Variants in TMTC2 observed in about 807,000 individuals in gnomAD.
TMTC2 encodes protein O-mannosyl-transferase TMTC2.
Under a neutral mutation model 82.4 loss-of-function variants are expected in TMTC2, and 43 were observed. The observed-to-expected ratio is 0.52, with a 90% confidence interval of 0.41 to 0.67. TMTC2 has a LOEUF of 0.67. TMTC2 is among the 30% of genes least tolerant of loss of function. TMTC2 has a pLI of 0.00. For synonymous variants in TMTC2, 408 were observed against 381.9 expected, an observed-to-expected ratio of 1.07 and a Z score of -0.80; for missense variants, 919 against 1,012.4, an observed-to-expected ratio of 0.91 and a Z score of 1.25.
intron 1 of TMTC2, among the ~76,000 whole-genome samples, chr12:82,768,778 T>A (rs548803398): frequency 7.9e-5 from 12 of 152,240 alleles, no homozygotes; most frequent in African/African-American, 2.9e-4. Flanking sequence ...GAGCCTATAG[T>A]ATTTTTTTTC....
intron 1 of TMTC2, among the ~76,000 whole-genome samples, chr12:82,817,297 A>G (rs1868800107): frequency 6.6e-6 from 1 of 151,920 alleles, no homozygotes; most frequent in African/African-American, 2.4e-5. Flanking sequence ...GTGAAAGTCT[A>G]TTGGTTTTTG....
At chr12:82,702,974 T>G (rs1174419851) in intron 1 of TMTC2, among the ~76,000 whole-genome samples, 1 of 152,124 alleles carries the variant, frequency 6.6e-6, no homozygotes, top group East Asian at 1.9e-4. Flanking sequence ...ATTGTGCCAC[T>G]GCACTTCAGC....
chr12:82,890,634 C>A (rs1044149566), intron 2 of TMTC2, among the ~76,000 whole-genome samples: 1 of 151,724 alleles, frequency 6.6e-6, no homozygotes, highest in East Asian at 1.9e-4. Context: ...TTTACTTGGA[C>A]TGGGGCATTA....
At chr12:82,876,093 CATAATGGTGGTGGTGGTGGTGGT>C (rs1565788855) in intron 2 of TMTC2, among the ~76,000 whole-genome samples, 9 of 100,614 alleles carry the variant, frequency 8.9e-5, no homozygotes, top group African/African-American at 4.4e-4. Context: ...GATTAGTATT[CATAATGGTGGTGGTGGTGGTGGT>C]GGTGGTATTA....
intron 1 of TMTC2, among the ~76,000 whole-genome samples, chr12:82,794,341 C>G (rs1290622082): frequency 6.6e-6 from 1 of 152,120 alleles, no homozygotes. Context: ...TTCCCCTCTT[C>G]CCCATCTACC....
At chr12:82,858,753 T>A (rs562184042) in intron 2 of TMTC2, among the ~76,000 whole-genome samples, 10 of 152,262 alleles carry the variant, frequency 6.6e-5, no homozygotes, top group South Asian at 4.1e-4. Context: ...GAAGTTCTTT[T>A]GTGATTTCAA....
intron 1 of TMTC2, among the ~76,000 whole-genome samples, chr12:82,816,432 G>A (rs1490583647): frequency 1.3e-5 from 2 of 152,032 alleles, no homozygotes; most frequent in South Asian, 2.1e-4. Flanking sequence ...TAATTCTTTG[G>A]GGGGCCGCAG....
intron 2 of TMTC2, among the ~76,000 whole-genome samples, chr12:82,894,311 G>A (rs950904260): frequency 1.3e-5 from 2 of 152,116 alleles, no homozygotes; most frequent in African/African-American, 4.8e-5. Flanking sequence ...AAGGTAGAGT[G>A]GAAAAGAGCA....
At chr12:82,949,802 T>C (rs926750312) in intron 4 of TMTC2, among the ~76,000 whole-genome samples, 1 of 152,338 alleles carries the variant, frequency 6.6e-6, no homozygotes, top group Non-Finnish European at 1.5e-5. Flanking sequence ...TGGGGCTATG[T>C]CTTATCTCAC....
chr12:82,827,417 A>T (rs556049586), intron 1 of TMTC2, among the ~76,000 whole-genome samples: 51 of 152,328 alleles, frequency 3.3e-4, no homozygotes, highest in African/African-American at 1.2e-3. Context: ...AAGCTAAGAC[A>T]GGACTCATTC....
At chr12:82,901,999 C>T (rs1874044855) in intron 3 of TMTC2, among the ~76,000 whole-genome samples, 1 of 152,148 alleles carries the variant, frequency 6.6e-6, no homozygotes, top group Admixed American at 6.6e-5. Flanking sequence ...CTTCTCTTTC[C>T]TTATGTCCCA....
chr12:83,102,831 G>A (rs1254066517), intron 11 of TMTC2, among the ~76,000 whole-genome samples: 1 of 152,118 alleles, frequency 6.6e-6, no homozygotes, highest in Non-Finnish European at 1.5e-5. Flanking sequence ...AGGCAGTTCC[G>A]TAATTGTCAT....
chr12:82,687,354 G>C lies in TMTC2; in HGVS notation c.-233G>C. On this transcript the variant is annotated 5_prime_UTR_variant, in exon 1 of 12. Transcript: ENST00000321196. ...TCACCGCTTGCGGGCGCCGGGCATG[G>C]GGAGTGTGGTGTGAGCCCGCACCCG... 2 of 571,458 alleles carry C rather than the reference G, an allele frequency of 3.5e-6. No homozygotes were observed. Among genetic ancestry groups the C allele is most frequent in the Non-Finnish European group, 6.3e-6 (2 of 319,108 alleles). 35.4% of individuals were successfully genotyped at this position (571,458 alleles called of 1,614,324 possible). A position where few individuals can be genotyped will look rare whatever the true frequency, so the allele number is the denominator to read the frequency against.
chr12:83,071,110 T>C (rs1488344706), intron 11 of TMTC2, among the ~76,000 whole-genome samples: 2 of 152,222 alleles, frequency 1.3e-5, no homozygotes, highest in African/African-American at 4.8e-5. Context: ...TGTTAAAGAT[T>C]TTAATATCAA....
intron 1 of TMTC2, among the ~76,000 whole-genome samples, chr12:82,745,698 G>A (rs949923305): frequency 2.0e-5 from 3 of 152,174 alleles, no homozygotes; most frequent in Admixed American, 2.0e-4. Context: ...ACATCAGCCT[G>A]CAATAGAACA....
chr12:83,039,547 C>A (rs1881810240), intron 9 of TMTC2, among the ~76,000 whole-genome samples: 1 of 151,956 alleles, frequency 6.6e-6, no homozygotes. Context: ...CATATAGCAT[C>A]TCATTTAATT....
chr12:82,883,712 G>A (rs1387665651), intron 2 of TMTC2, among the ~76,000 whole-genome samples: 1 of 152,106 alleles, frequency 6.6e-6, no homozygotes, highest in African/African-American at 2.4e-5. Context: ...TGGCCAATTG[G>A]GGCAAGATTG....
intron 1 of TMTC2, among the ~76,000 whole-genome samples, chr12:82,699,313 A>G (rs1316974490): frequency 6.6e-6 from 1 of 152,032 alleles, no homozygotes; most frequent in Non-Finnish European, 1.5e-5. Flanking sequence ...TGCTTTTCCT[A>G]TGTTTCTAGT....
At chr12:82,810,325 G>A (rs1592540099) in intron 1 of TMTC2, among the ~76,000 whole-genome samples, 1 of 151,094 alleles carries the variant, frequency 6.6e-6, no homozygotes, top group East Asian at 1.9e-4. Flanking sequence ...TCATGTAAAA[G>A]GCAAGGGTGC....
Sources: gnomAD v4.1 joint callset for allele counts (sites outside exome capture counted in the v4.1 genomes callset) on GRCh38, gnomAD v4.1.1 for gene constraint, MANE v1.5 for transcripts, NCBI Gene and HGNC (gene_info 2026-07-23, HGNC 2026-07-21) for gene names.